Variants in GABPB1 observed in about 807,000 individuals in gnomAD.
GABPB1 encodes GA-binding protein subunit beta-1.
Under a neutral mutation model 45.9 loss-of-function variants are expected in GABPB1, and 15 were observed. The observed-to-expected ratio is 0.33, with a 90% CI of 0.22 to 0.50. The LOEUF (loss-of-function observed/expected upper bound fraction) is 0.50, where lower values mean the gene tolerates loss of function less well. GABPB1 is among the 20% of genes least tolerant of loss of function. The pLI is 0.98. For synonymous variants in GABPB1, 143 were observed against 154.4 expected (o/e 0.93, Z 0.55); for missense variants, 252 against 457.5 (o/e 0.55, Z 4.10).
intron 1 of GABPB1, among the ~76,000 whole-genome samples, chr15:50,335,766 T>C (rs1415238077): frequency 6.6e-6 from 1 of 151,320 alleles, no homozygotes; most frequent in Non-Finnish European, 1.5e-5. Flanking sequence ...CGTGGTGGCA[T>C]GCGCCTGTAA....
chr15:50,310,858 T>C (rs1373161452), intron 1 of GABPB1, among the ~76,000 whole-genome samples: 1 of 151,420 alleles, frequency 6.6e-6, no homozygotes, highest in Non-Finnish European at 1.5e-5. Flanking sequence ...ACACCTAGGG[T>C]CCCAGCTACT....
At chr15:50,350,117 G>A (rs2048764908) in intron 1 of GABPB1, 1 of 151,958 alleles carries the variant, frequency 6.6e-6, no homozygotes, top group South Asian at 2.1e-4. Context: ...AACAATCACT[G>A]TGAAACATTT....
intron 3 of GABPB1, 86 bp downstream of exon 3, chr15:50,303,880 T>A: frequency 1.0e-6 from 1 of 967,452 alleles, no homozygotes. Context: ...AAATACTAAG[T>A]AGGCATTTAA....
intron 6 of GABPB1, among the ~76,000 whole-genome samples, chr15:50,296,090 G>C (rs2046499823): frequency 6.6e-6 from 1 of 152,022 alleles, no homozygotes; most frequent in South Asian, 2.1e-4. Context: ...AAATGGCATG[G>C]TACCCTGGAC....
intron 6 of GABPB1, among the ~76,000 whole-genome samples, chr15:50,290,279 T>C (rs1311696695): frequency 1.3e-5 from 2 of 152,146 alleles, no homozygotes; most frequent in Non-Finnish European, 2.9e-5. Flanking sequence ...TGACAAAGGT[T>C]ATATCTGTTT....
At chr15:50,320,743 TAGG>T (rs2047539914) in intron 1 of GABPB1, among the ~76,000 whole-genome samples, 1 of 152,042 alleles carries the variant, frequency 6.6e-6, no homozygotes, top group African/African-American at 2.4e-5. Flanking sequence ...AGGATCAGAA[TAGG>T]AGATGTGACA....
intron 1 of GABPB1, among the ~76,000 whole-genome samples, chr15:50,338,332 A>T (rs1381302242): frequency 6.6e-6 from 1 of 151,996 alleles, no homozygotes; most frequent in Non-Finnish European, 1.5e-5. Context: ...GAGCCACCAC[A>T]CCCGGCCAAG....
chr15:50,283,390 T>C (rs541656290), intron 8 of GABPB1, among the ~76,000 whole-genome samples: 1 of 152,240 alleles, frequency 6.6e-6, no homozygotes, highest in East Asian at 1.9e-4. Flanking sequence ...TATTGCCATA[T>C]GCAGATGTAA....
At chr15:50,329,918 T>C (rs980159477) in intron 1 of GABPB1, among the ~76,000 whole-genome samples, 1 of 151,908 alleles carries the variant, frequency 6.6e-6, no homozygotes, top group Non-Finnish European at 1.5e-5. Flanking sequence ...TTTTTTTTTT[T>C]TCCCTGAAGG....
chr15:50,335,374 T>C (rs1240031977), intron 1 of GABPB1, among the ~76,000 whole-genome samples: 1 of 152,210 alleles, frequency 6.6e-6, no homozygotes, highest in Non-Finnish European at 1.5e-5. Context: ...TGCATCTTAA[T>C]TTCTGTCCAC....
intron 1 of GABPB1, chr15:50,354,646 G>T (rs1220235499): frequency 2.3e-6 from 1 of 434,898 alleles, no homozygotes; most frequent in South Asian, 1.6e-5. Context: ...GCCACCCCGG[G>T]GCTGCCGCTC....
At chr15:50,313,419 T>C (rs1006012662) in intron 1 of GABPB1, among the ~76,000 whole-genome samples, 3 of 152,148 alleles carry the variant, frequency 2.0e-5, no homozygotes, top group Admixed American at 2.0e-4. Flanking sequence ...GCTTTATTTT[T>C]TAGTCAACTG....
Position 50,300,436 on chromosome 15 carries a change from G to GTTTTTTTTTTTTTTTTTTTTTTTTT in GABPB1, c.697+352_697+353insAAAAAAAAAAAAAAAAAAAAAAAAA, listed in dbSNP as rs1297157973. On this transcript the variant is annotated intron_variant, in intron 6 of 8. Transcript: ENST00000380877. Reference sequence around the variant, plus strand: ...ATATTTGAATCTGCAACTGTTTTTGGTTTTTTTTTTTTTTTTTTTTTTTTG... The same window carrying GTTTTTTTTTTTTTTTTTTTTTTTTT: ...ATATTTGAATCTGCAACTGTTTTTGGTTTTTTTTTTTTTTTTTTTTTTTTTTTTTTTTTTTTTTTTTTTTTTTTTG... Among the ~76,000 whole-genome samples, 5 of 40,806 alleles carry GTTTTTTTTTTTTTTTTTTTTTTTTT rather than the reference G, an allele frequency of 1.2e-4. 1 individual carries two copies. The highest frequency in any genetic ancestry group is 2.0e-4 in the Non-Finnish European group (5 of 25,408). The allele number at this position is 40,806 out of a possible 152,430, so 26.8% of individuals were successfully genotyped here. A position where few individuals can be genotyped will look rare whatever the true frequency, so the allele number is the denominator to read the frequency against.
intron 1 of GABPB1, chr15:50,354,307 C>T (rs753344019): frequency 4.5e-6 from 2 of 447,886 alleles, no homozygotes; most frequent in Non-Finnish European, 4.5e-6. Context: ...GGCTTCTCCC[C>T]CTCAGGACTC....
At chr15:50,334,540 T>C (rs1269887471) in intron 1 of GABPB1, among the ~76,000 whole-genome samples, 1 of 141,092 alleles carries the variant, frequency 7.1e-6, no homozygotes, top group Non-Finnish European at 1.5e-5. Context: ...GACAGTCTCA[T>C]TCTGTCACCC....
intron 6 of GABPB1, among the ~76,000 whole-genome samples, chr15:50,291,993 T>G (rs2140993665): frequency 6.6e-6 from 1 of 151,740 alleles, no homozygotes; most frequent in South Asian, 2.1e-4. Flanking sequence ...GGAAAGATAT[T>G]CCTGATAGAA....
intron 6 of GABPB1, among the ~76,000 whole-genome samples, chr15:50,298,440 A>G (rs1390519338): frequency 2.0e-5 from 3 of 152,206 alleles, no homozygotes; most frequent in Non-Finnish European, 2.9e-5. Flanking sequence ...CCAAATAGAA[A>G]CCACCAATGA....
In GABPB1 at chr15:50,320,609, T is replaced by C. The variant is rs571263050; in HGVS notation, c.1-10811A>G. ...TACTAATTCTCAGATCCTGTGAATA[T>C]GCTACCTTACATGGCAAAAGGAACT... On this transcript the variant is annotated intron_variant, in intron 1 of 8. Transcript: ENST00000380877. Among the ~76,000 whole-genome samples the C allele has an allele frequency of 2.0e-5, 3 of 152,358 alleles. No individual in the cohort carries two copies. In the South Asian group the frequency reaches 6.2e-4, roughly 32 times the overall value.
At chr15:50,300,968 T>C (rs372165171) in intron 5 of GABPB1, 66 bp from the exon 6 acceptor site, 2 of 1,007,892 alleles carry the variant, frequency 2.0e-6, no homozygotes, top group East Asian at 5.0e-5. Context: ...TTTCTGATAT[T>C]CTATTTATCT....
Sources: gnomAD v4.1 joint callset for allele counts (sites outside exome capture counted in the v4.1 genomes callset) on GRCh38, gnomAD v4.1.1 for gene constraint, MANE v1.5 for transcripts, NCBI Gene and HGNC (gene_info 2026-07-23, HGNC 2026-07-21) for gene names.